Variants in LRRTM3 observed in about 807,000 individuals in gnomAD.
The protein encoded by LRRTM3 is leucine-rich repeat transmembrane neuronal protein 3.
LRRTM3 carries 24 observed loss-of-function variants against 44.7 expected under a neutral mutation model. That is an observed-to-expected ratio of 0.54 (90% confidence interval 0.39 to 0.76). The LOEUF (loss-of-function observed/expected upper bound fraction) is 0.76, where lower values mean the gene tolerates loss of function less well. Among genes scored for constraint, LRRTM3 ranks in the 30% least tolerant of loss-of-function variants. LRRTM3 has a pLI of 0.00. For missense variants in LRRTM3, 587 were observed against 702.2 expected (o/e 0.84, Z 1.85); for synonymous variants, 277 against 278.7 (o/e 0.99, Z 0.06).
At chr10:67,023,734 AT>A (rs547144792) in intron 2 of LRRTM3, among the ~76,000 whole-genome samples, 1 of 152,212 alleles carries the variant, frequency 6.6e-6, no homozygotes, top group Non-Finnish European at 1.5e-5. Flanking sequence ...TCAAGGAAAA[AT>A]TACATAGAAT....
intron 2 of LRRTM3, among the ~76,000 whole-genome samples, chr10:67,074,049 T>C (rs1244077936): frequency 6.8e-6 from 1 of 147,684 alleles, no homozygotes; most frequent in Non-Finnish European, 1.5e-5. Flanking sequence ...TTTTTTTTTT[T>C]TTTTTGAGAC....
intron 2 of LRRTM3, among the ~76,000 whole-genome samples, chr10:67,077,040 C>T (rs899308448): frequency 6.6e-6 from 1 of 152,150 alleles, no homozygotes; most frequent in Non-Finnish European, 1.5e-5. Flanking sequence ...TTTGTGCATC[C>T]AGAAATCTAA....
intron 2 of LRRTM3, among the ~76,000 whole-genome samples, chr10:66,929,887 A>G (rs1241298212): frequency 6.6e-6 from 1 of 152,190 alleles, no homozygotes; most frequent in Non-Finnish European, 1.5e-5. Flanking sequence ...ATTCTCCTTC[A>G]TCCTCCAAAA....
chr10:67,087,852 G>A (rs899196246), intron 2 of LRRTM3, among the ~76,000 whole-genome samples: 9 of 151,916 alleles, frequency 5.9e-5, no homozygotes, highest in Non-Finnish European at 1.3e-4. Flanking sequence ...ATTCATTCAA[G>A]TATTCATTCA....
At position 67,097,905 on chromosome 10, in the gene LRRTM3, C is replaced by T; in HGVS notation, c.*109C>T. On this transcript the variant is annotated 3_prime_UTR_variant, in exon 3 of 3. Coordinates refer to ENST00000361320, the MANE Select transcript of LRRTM3 (RefSeq NM_178011.5). ...TAAAAACAAAACAAAACACAAAATCCCCTGTTCAAATAAACAAAAAATCCA... is the reference window on the plus strand; with the variant it reads ...TAAAAACAAAACAAAACACAAAATCTCCTGTTCAAATAAACAAAAAATCCA... 1.1e-6 allele frequency: 1 copy of T among 933,346 alleles called. No individual in the cohort carries two copies. The highest frequency in any genetic ancestry group is 1.6e-6 in the Non-Finnish European group (1 of 613,644). The allele number at this position is 933,346 out of a possible 1,614,324, so 57.8% of individuals were successfully genotyped here. A position where few individuals can be genotyped will look rare whatever the true frequency, so the allele number is the denominator to read the frequency against.
intron 2 of LRRTM3, among the ~76,000 whole-genome samples, chr10:66,956,304 A>G (rs1257242919): frequency 1.3e-5 from 2 of 151,718 alleles, no homozygotes; most frequent in Non-Finnish European, 2.9e-5. Context: ...TTTGAAAACC[A>G]CTGGTAAGAG....
intron 2 of LRRTM3, among the ~76,000 whole-genome samples, chr10:67,076,988 G>T (rs966346207): frequency 2.6e-5 from 4 of 152,080 alleles, no homozygotes; most frequent in Non-Finnish European, 2.9e-5. Flanking sequence ...AAAGCAACTT[G>T]CATTGTCTCT....
At chr10:66,934,045 C>T (rs1418253271) in intron 2 of LRRTM3, among the ~76,000 whole-genome samples, 1 of 151,874 alleles carries the variant, frequency 6.6e-6, no homozygotes. Flanking sequence ...ATCCTGAACA[C>T]GTGAGGAAAA....
intron 2 of LRRTM3, among the ~76,000 whole-genome samples, chr10:66,930,463 T>G (rs1360876651): frequency 6.6e-6 from 1 of 152,134 alleles, no homozygotes; most frequent in Non-Finnish European, 1.5e-5. Flanking sequence ...AAAAAGAAAT[T>G]TTCTTTGGCT....
intron 2 of LRRTM3, among the ~76,000 whole-genome samples, chr10:66,957,637 G>A (rs1255002948): frequency 6.6e-6 from 1 of 151,674 alleles, no homozygotes; most frequent in African/African-American, 2.4e-5. Flanking sequence ...CAAAAGGAGT[G>A]ACTCAAGAAA....
At chr10:67,001,674 T>C (rs1352399749) in intron 2 of LRRTM3, among the ~76,000 whole-genome samples, 1 of 152,192 alleles carries the variant, frequency 6.6e-6, no homozygotes, top group Non-Finnish European at 1.5e-5. Flanking sequence ...CTTTAGTGGA[T>C]CCTAATTGTA....
intron 2 of LRRTM3, among the ~76,000 whole-genome samples, chr10:67,080,764 C>A (rs969930549): frequency 3.9e-5 from 6 of 151,936 alleles, no homozygotes; most frequent in African/African-American, 1.4e-4. Flanking sequence ...AAAAAATTAG[C>A]CCGGCGTGGT....
In LRRTM3 at chr10:67,097,809, G is replaced by T. The variant is rs200165508; in HGVS notation, c.*13G>T. 6.8e-6 allele frequency: 11 copies of T among 1,610,984 alleles called. No homozygotes were observed. Among genetic ancestry groups the T allele is most frequent in the South Asian group, 2.2e-5 (2 of 91,016 alleles). On this transcript the variant is annotated 3_prime_UTR_variant, in exon 3 of 3. Coordinates refer to ENST00000361320, the MANE Select transcript of LRRTM3 (RefSeq NM_178011.5). ...GCAGCTAGCTTAACTGAGATCATTG[G>T]TAGCCAGGGGTTGCTACCAAACTTT...
chr10:67,082,852 A>C (rs533236420), intron 2 of LRRTM3, among the ~76,000 whole-genome samples: 3 of 152,282 alleles, frequency 2.0e-5, no homozygotes, highest in African/African-American at 7.2e-5. Context: ...TGGGGGATGG[A>C]CCACAATATT....
chr10:67,033,059 A>AT (rs1853830712), intron 2 of LRRTM3, among the ~76,000 whole-genome samples: 1 of 152,126 alleles, frequency 6.6e-6, no homozygotes, highest in African/African-American at 2.4e-5. Context: ...GATAACAGCT[A>AT]TTTTTTTCCA....
At chr10:67,050,158 A>G (rs533496074) in intron 2 of LRRTM3, among the ~76,000 whole-genome samples, 1 of 152,318 alleles carries the variant, frequency 6.6e-6, no homozygotes, top group African/African-American at 2.4e-5. Flanking sequence ...TGTGTTGCAC[A>G]TAGTGCATGC....
intron 2 of LRRTM3, among the ~76,000 whole-genome samples, chr10:66,966,929 T>C (rs1327437209): frequency 5.9e-5 from 9 of 152,174 alleles, no homozygotes; most frequent in African/African-American, 2.2e-4. Flanking sequence ...TTCAACTAAA[T>C]GGGAGAATTA....
chr10:67,052,035 G>A (rs988381696), intron 2 of LRRTM3, among the ~76,000 whole-genome samples: 4 of 152,122 alleles, frequency 2.6e-5, no homozygotes, highest in Admixed American at 6.5e-5. Flanking sequence ...GATTACAGGC[G>A]TGAGCCACCA....
intron 2 of LRRTM3, among the ~76,000 whole-genome samples, chr10:67,021,908 T>C (rs1171434380): frequency 6.6e-6 from 1 of 152,158 alleles, no homozygotes; most frequent in Non-Finnish European, 1.5e-5. Flanking sequence ...GATGCAGACT[T>C]AGAGGCTGAG....
Sources: allele counts gnomAD v4.1 joint callset (sites outside exome capture counted in the v4.1 genomes callset), GRCh38; gene constraint gnomAD v4.1.1; transcripts MANE v1.5; gene names NCBI Gene and HGNC (gene_info 2026-07-23, HGNC 2026-07-21).